THADA: variants seen among roughly 807,000 people sequenced by gnomAD.
THADA encodes the protein THADA armadillo repeat containing, also known as tRNA (32-2'-O)-methyltransferase regulator THADA.
THADA carries 213 observed loss-of-function variants against 219.8 expected under a neutral mutation model. The ratio of observed to expected loss-of-function variants is 0.97; its 90% CI spans 0.87 to 1.09. The LOEUF (loss-of-function observed/expected upper bound fraction) is 1.09, where lower values mean the gene tolerates loss of function less well. THADA is among the 50% of genes least tolerant of loss of function. The probability of loss-of-function intolerance (pLI) is 0.00; values close to 1 mark genes in which losing one functional copy is unlikely to be tolerated. For synonymous variants in THADA, 1,018 were observed against 828.9 expected (o/e 1.23, Z -3.92); for missense variants, 2,956 against 2,311.3 (o/e 1.28, Z -5.72).
intron 35 of THADA, among the ~76,000 whole-genome samples, chr2:43,281,175 C>T (rs1421375735): frequency 1.3e-5 from 2 of 152,212 alleles, no homozygotes; most frequent in Non-Finnish European, 2.9e-5. Flanking sequence ...GTCACTGATG[C>T]TTTAGTCATA....
At chr2:43,475,702 T>G (rs980137263) in intron 26 of THADA, among the ~76,000 whole-genome samples, 1 of 152,236 alleles carries the variant, frequency 6.6e-6, no homozygotes, top group Non-Finnish European at 1.5e-5. Context: ...TAAAGTCATG[T>G]GTAAAGACAC....
At position 43,558,233 on chromosome 2, in the gene THADA, C is replaced by T. The variant is rs374480069; in HGVS notation, c.2464-1678G>A. 8.5e-5 allele frequency among the ~76,000 whole-genome samples: 13 copies of T among 152,148 alleles called. No individual in the cohort carries two copies. In the East Asian group the frequency reaches 1.2e-3, roughly 14 times the overall value. On this transcript the variant is annotated intron_variant, in intron 16 of 37. Coordinates refer to ENST00000405975, the MANE Select transcript of THADA (RefSeq NM_022065.5). ...CAAGCTATTTATGAGAAAAATATGC[C>T]GTCAACAATACGTATGTACACGTCC...
rs1673078855 is a variant in THADA at position 43,279,328 on chromosome 2, T to C, written c.5296+437A>G. 2.0e-5 allele frequency among the ~76,000 whole-genome samples: 3 copies of C among 152,198 alleles called. No individual in the cohort carries two copies. In the South Asian group the frequency reaches 6.2e-4, roughly 31 times the overall value. On this transcript the variant is annotated intron_variant, in intron 36 of 37. Coordinates refer to ENST00000405975, the MANE Select transcript of THADA (RefSeq NM_022065.5). The stretch of plus-strand genomic sequence containing the variant: ...AACTTAACGTACACATAATCATTTC[T>C]CGCTTTCTGTCACATATAAAAACTC...
intron 22 of THADA, among the ~76,000 whole-genome samples, chr2:43,514,286 CA>C (rs1353793695): frequency 6.7e-6 from 1 of 148,414 alleles, no homozygotes. Flanking sequence ...ACTATCTCTA[CA>C]AAAAAATACA....
chr2:43,548,863 G>A (rs922927254), intron 20 of THADA, among the ~76,000 whole-genome samples: 2 of 152,214 alleles, frequency 1.3e-5, no homozygotes, highest in Non-Finnish European at 2.9e-5. Flanking sequence ...CGCGCATGGT[G>A]CGCTGCACCC....
Position 43,560,367 on chromosome 2 carries a change from T to A in THADA, c.2330A>T (p.Tyr777Phe), listed in dbSNP as rs983169822. The A allele has an allele frequency of 2.5e-6, 4 of 1,590,874 alleles. No individual in the cohort carries two copies. The highest frequency in any genetic ancestry group is 3.4e-6 in the Non-Finnish European group (4 of 1,170,586). Residue 777 changes from tyrosine to phenylalanine, a missense_variant, in exon 16 of 38, where the codon TAT (tyrosine) becomes TTT (phenylalanine). Transcript: ENST00000405975. ...HVPEGRIYTV[Y>F]QLSHDIDVGR... The stretch of plus-strand genomic sequence containing the variant: ...AACATCAATATCATGACTCAGCTGA[T>A]ATACTGTATAAATTCTGCCTAAAAA...
At chr2:43,505,531 G>A (rs1452151638) in intron 24 of THADA, 91 bp downstream of exon 24, 6 of 945,178 alleles carry the variant, frequency 6.3e-6, no homozygotes, top group Non-Finnish European at 8.0e-6. Context: ...TCCAGCCTGG[G>A]TAACAAGACG....
chr2:43,510,485 TA>T (rs1192433831), intron 22 of THADA, among the ~76,000 whole-genome samples: 1 of 152,150 alleles, frequency 6.6e-6, no homozygotes, highest in Admixed American at 6.5e-5. Flanking sequence ...TATATCTTTT[TA>T]AATTAAGATA....
At chr2:43,401,697 G>A (rs987640927) in intron 28 of THADA, among the ~76,000 whole-genome samples, 1 of 152,148 alleles carries the variant, frequency 6.6e-6, no homozygotes, top group Non-Finnish European at 1.5e-5. Context: ...GTAGACAAAA[G>A]GGCATTATAA....
At chr2:43,453,170 T>C (rs950475149) in intron 26 of THADA, among the ~76,000 whole-genome samples, 1 of 152,232 alleles carries the variant, frequency 6.6e-6, no homozygotes, top group African/African-American at 2.4e-5. Flanking sequence ...ATGTGATGTC[T>C]GGTATACACA....
rs530013080 is a variant in THADA at position 43,384,007 on chromosome 2, A to AC, written c.4227+13963dup. 5.9e-5 allele frequency among the ~76,000 whole-genome samples: 9 copies of AC among 152,116 alleles called. No individual in the cohort carries two copies. In the South Asian group the frequency reaches 1.7e-3, roughly 28 times the overall value. On this transcript the variant is annotated intron_variant, in intron 29 of 37. Transcript: ENST00000405975. ...CTGGTCTAACATACACACACAGGCT[A>AC]CCCCCCTACCCCAGCTTCTCTATAT...
At chr2:43,405,494 T>C (rs1376304161) in intron 28 of THADA, among the ~76,000 whole-genome samples, 1 of 152,224 alleles carries the variant, frequency 6.6e-6, no homozygotes, top group East Asian at 1.9e-4. Context: ...CTACTTGTTC[T>C]TCCTATGCCA....
At chr2:43,507,187 T>TA (rs981904814) in intron 23 of THADA, among the ~76,000 whole-genome samples, 1 of 151,960 alleles carries the variant, frequency 6.6e-6, no homozygotes, top group South Asian at 2.1e-4. Flanking sequence ...TTCATTCAAC[T>TA]AAAAAAAAGC....
intron 36 of THADA, among the ~76,000 whole-genome samples, chr2:43,277,960 T>TTC (rs1226932491): frequency 6.6e-6 from 1 of 151,220 alleles, no homozygotes; most frequent in Non-Finnish European, 1.5e-5. Flanking sequence ...TCTTTTTTTT[T>TTC]TTTTTTTTGA....
At chr2:43,541,429 T>C (rs1695296051) in intron 20 of THADA, 113 bp from the exon 21 acceptor site, 2 of 1,198,046 alleles carry the variant, frequency 1.7e-6, no homozygotes, top group Admixed American at 2.0e-5. Context: ...CAAACCCGAT[T>C]TGTCATGTTA....
chr2:43,490,708 T>G (rs1331123646), intron 25 of THADA, among the ~76,000 whole-genome samples: 1 of 152,158 alleles, frequency 6.6e-6, no homozygotes, highest in African/African-American at 2.4e-5. Flanking sequence ...CACATTCACT[T>G]AACTTTTATT....
At position 43,508,653 on chromosome 2, in the gene THADA, T is replaced by G. The variant is rs752090937; in HGVS notation, c.3502A>C (p.Ile1168Leu). The G allele has an allele frequency of 2.5e-6, 4 of 1,612,996 alleles. 1 individual carries two copies. Among genetic ancestry groups the G allele is most frequent in the South Asian group, 2.2e-5 (2 of 90,934 alleles). Residue 1168 changes from isoleucine to leucine, a missense_variant, in exon 23 of 38, where the codon ATA becomes CTA. Coordinates refer to ENST00000405975, the MANE Select transcript of THADA (RefSeq NM_022065.5). ...TRRSAGIPFY[I>L]QALLASEPKK... is the part of the protein sequence containing the mutation. Reference sequence around the variant, plus strand: ...AGGGTCCTACAGATAAATACCTGTATGTAGAAAGGAATTCCAGCACTGCGC... The same window carrying G: ...AGGGTCCTACAGATAAATACCTGTAGGTAGAAAGGAATTCCAGCACTGCGC...
intron 28 of THADA, among the ~76,000 whole-genome samples, chr2:43,426,661 C>G (rs1301079726): frequency 1.3e-5 from 2 of 152,202 alleles, no homozygotes; most frequent in African/African-American, 2.4e-5. Context: ...ACAAATAGCT[C>G]TGCAAGCGCA....
chr2:43,256,537 A>C (rs1192102499), intron 36 of THADA, among the ~76,000 whole-genome samples: 1 of 151,900 alleles, frequency 6.6e-6, no homozygotes, highest in East Asian at 1.9e-4. Flanking sequence ...TCAGCCTCCG[A>C]AGTAGCTGGA....
Sources: allele counts gnomAD v4.1 joint callset (sites outside exome capture counted in the v4.1 genomes callset), GRCh38; gene constraint gnomAD v4.1.1; transcripts MANE v1.5; gene names NCBI Gene and HGNC (gene_info 2026-07-23, HGNC 2026-07-21).